The following KCNJ3 variants were observed in gnomAD, a reference collection of about 807,000 sequenced individuals.
The protein encoded by KCNJ3 is G protein-activated inward rectifier potassium channel 1.
Under a neutral mutation model 39.2 loss-of-function variants are expected in KCNJ3, and 4 were observed. The observed-to-expected ratio is 0.10, with a 90% CI of 0.05 to 0.23. The LOEUF is 0.23. KCNJ3 is among the 10% of genes least tolerant of loss of function. The probability of loss-of-function intolerance (pLI) is 1.00; values close to 1 mark genes in which losing one functional copy is unlikely to be tolerated. For synonymous variants in KCNJ3, 230 were observed against 237.4 expected (o/e 0.97, Z 0.29); for missense variants, 276 against 634.9 (o/e 0.43, Z 6.08).
At chr2:154,768,455 A>G (rs1427190739) in intron 2 of KCNJ3, among the ~76,000 whole-genome samples, 3 of 152,162 alleles carry the variant, frequency 2.0e-5, no homozygotes, top group Admixed American at 2.0e-4. Flanking sequence ...TCCTTTTCCC[A>G]TTTCTTGTTT....
At chr2:154,792,567 C>T (rs1454452385) in intron 2 of KCNJ3, among the ~76,000 whole-genome samples, 2 of 152,036 alleles carry the variant, frequency 1.3e-5, no homozygotes, top group South Asian at 2.1e-4. Flanking sequence ...CCATATCACA[C>T]GTATTGAAGT....
chr2:154,775,325 T>A (rs368604056), intron 2 of KCNJ3, among the ~76,000 whole-genome samples: 8 of 151,650 alleles, frequency 5.3e-5, no homozygotes, highest in East Asian at 1.9e-4. Flanking sequence ...TGGGTAGAAT[T>A]AAAAAAAAAT....
intron 2 of KCNJ3, among the ~76,000 whole-genome samples, chr2:154,723,876 G>T (rs1183036509): frequency 2.0e-5 from 3 of 152,052 alleles, no homozygotes; most frequent in Non-Finnish European, 1.5e-5. Flanking sequence ...CCTTCAGAGT[G>T]ATATGAAGAT....
intron 2 of KCNJ3, among the ~76,000 whole-genome samples, chr2:154,799,008 G>A (rs751910344): frequency 1.4e-4 from 21 of 151,912 alleles, no homozygotes; most frequent in Admixed American, 6.6e-5. Flanking sequence ...TGTATATGGT[G>A]TGTGTTGAAG....
chr2:154,760,602 G>A (rs1202245281), intron 2 of KCNJ3, among the ~76,000 whole-genome samples: 1 of 151,766 alleles, frequency 6.6e-6, no homozygotes, highest in Admixed American at 6.6e-5. Context: ...CACCCAGCCT[G>A]GATTGTAGTG....
intron 2 of KCNJ3, among the ~76,000 whole-genome samples, chr2:154,755,026 A>G (rs1359347163): frequency 1.3e-5 from 2 of 152,042 alleles, no homozygotes; most frequent in African/African-American, 4.8e-5. Flanking sequence ...ATTATTGTAA[A>G]GTTGTCTGTG....
intron 2 of KCNJ3, among the ~76,000 whole-genome samples, chr2:154,758,659 G>A (rs1027264443): frequency 6.6e-6 from 1 of 152,120 alleles, no homozygotes; most frequent in Non-Finnish European, 1.5e-5. Context: ...AAACCCCATG[G>A]ATCCCCAATA....
Position 154,855,521 on chromosome 2 carries a change from C to A in KCNJ3, c.*208C>A. On this transcript the variant is annotated 3_prime_UTR_variant, in exon 3 of 3. Coordinates refer to ENST00000295101, the MANE Select transcript of KCNJ3 (RefSeq NM_002239.4). ...ACATCATAAGGAAGTTATTAACGGGCATGTATTATCACATCAAGCATGCAA... is the reference window on the plus strand; with the variant it reads ...ACATCATAAGGAAGTTATTAACGGGAATGTATTATCACATCAAGCATGCAA... 1 of 486,384 alleles carries A rather than the reference C, an allele frequency of 2.1e-6. No individual in the cohort carries two copies. Among genetic ancestry groups the A allele is most frequent in the Non-Finnish European group, 3.6e-6 (1 of 274,734 alleles). 30.1% of individuals were successfully genotyped at this position (486,384 alleles called of 1,614,324 possible). A position where few individuals can be genotyped will look rare whatever the true frequency, so the allele number is the denominator to read the frequency against.
At chr2:154,774,677 A>G (rs550508980) in intron 2 of KCNJ3, among the ~76,000 whole-genome samples, 2 of 152,284 alleles carry the variant, frequency 1.3e-5, no homozygotes, top group African/African-American at 4.8e-5. Context: ...AATACATGGA[A>G]AAAAACCTTA....
intron 2 of KCNJ3, among the ~76,000 whole-genome samples, chr2:154,781,163 T>C (rs1458530692): frequency 3.3e-5 from 5 of 152,194 alleles, no homozygotes; most frequent in African/African-American, 1.2e-4. Flanking sequence ...AAATGGATTC[T>C]AGCCTAGAAG....
intron 2 of KCNJ3, among the ~76,000 whole-genome samples, chr2:154,716,298 T>TTTG (rs5835536): frequency 7.4e-6 from 1 of 135,024 alleles, no homozygotes; most frequent in African/African-American, 2.7e-5. Flanking sequence ...TTTTTTTTTT[T>TTTG]GTATTTTTAG....
intron 2 of KCNJ3, among the ~76,000 whole-genome samples, chr2:154,839,412 T>C (rs1355542335): frequency 6.6e-6 from 1 of 152,248 alleles, no homozygotes; most frequent in Admixed American, 6.5e-5. Flanking sequence ...TGTGTGTCTT[T>C]ATAGTAGCAT....
Position 154,736,854 on chromosome 2 carries a change from G to A in KCNJ3, c.919+27035G>A, listed in dbSNP as rs564133633. 5.2e-5 allele frequency among the ~76,000 whole-genome samples: 7 copies of A among 134,816 alleles called. No homozygotes were observed. In the East Asian group the frequency reaches 1.1e-3, roughly 21 times the overall value. The allele number at this position is 134,816 out of a possible 152,430, so 88.4% of individuals were successfully genotyped here. A position where few individuals can be genotyped will look rare whatever the true frequency, so the allele number is the denominator to read the frequency against. On this transcript the variant is annotated intron_variant, in intron 2 of 2. Coordinates refer to ENST00000295101, the MANE Select transcript of KCNJ3 (RefSeq NM_002239.4). ...ATGAGGTAAGACCTAAAACTGCCCC[G>A]GCTTACTGCTTATACTTTTTTCCAG...
intron 2 of KCNJ3, among the ~76,000 whole-genome samples, chr2:154,807,640 G>A (rs574933425): frequency 6.6e-6 from 1 of 152,290 alleles, no homozygotes; most frequent in East Asian, 1.9e-4. Flanking sequence ...GTGGTGACAG[G>A]TGTTTTACAT....
At chr2:154,800,612 A>C (rs577394778) in intron 2 of KCNJ3, among the ~76,000 whole-genome samples, 1 of 152,178 alleles carries the variant, frequency 6.6e-6, no homozygotes, top group Non-Finnish European at 1.5e-5. Flanking sequence ...AGTATTTAGA[A>C]TGTTTTGCAT....
At chr2:154,814,744 CTT>C (rs1239064004) in intron 2 of KCNJ3, among the ~76,000 whole-genome samples, 1 of 152,118 alleles carries the variant, frequency 6.6e-6, no homozygotes, top group Admixed American at 6.6e-5. Flanking sequence ...ACCTTTTAAT[CTT>C]TTTATTTTAT....
chr2:154,738,127 T>C (rs1685578980), intron 2 of KCNJ3, among the ~76,000 whole-genome samples: 1 of 152,032 alleles, frequency 6.6e-6, no homozygotes, highest in African/African-American at 2.4e-5. Context: ...TGCAACAACA[T>C]GGATGGAAAC....
At chr2:154,730,771 A>G (rs981024637) in intron 2 of KCNJ3, among the ~76,000 whole-genome samples, 1 of 152,020 alleles carries the variant, frequency 6.6e-6, no homozygotes, top group Admixed American at 6.6e-5. Context: ...CATTCTTTTT[A>G]ACATATTCTA....
At chr2:154,842,023 T>G (rs1687585844) in intron 2 of KCNJ3, among the ~76,000 whole-genome samples, 1 of 152,196 alleles carries the variant, frequency 6.6e-6, no homozygotes, top group Admixed American at 6.5e-5. Context: ...GTTCTTTTAA[T>G]TCTGATGTTA....
Sources: allele counts gnomAD v4.1 joint callset (sites outside exome capture counted in the v4.1 genomes callset), GRCh38; gene constraint gnomAD v4.1.1; transcripts MANE v1.5; gene names NCBI Gene and HGNC (gene_info 2026-07-23, HGNC 2026-07-21).